The following SEC22A variants were observed in gnomAD, a reference collection of about 807,000 sequenced individuals.
SEC22A encodes the protein SEC22 homolog A, vesicle trafficking protein.
A neutral mutation model predicts 35.3 loss-of-function variants in SEC22A; 22 were observed. The observed-to-expected ratio is 0.62, with a 90% confidence interval of 0.45 to 0.89. The LOEUF (loss-of-function observed/expected upper bound fraction) is 0.89. Among genes scored for constraint, SEC22A ranks in the 40% least tolerant of loss-of-function variants. The pLI, the probability that SEC22A is intolerant of heterozygous loss-of-function variation, is 0.00. For missense variants in SEC22A, 354 were observed against 362.5 expected (o/e 0.98, Z 0.19); for synonymous variants, 119 against 129.5 (o/e 0.92, Z 0.55).
rs749574055 is a variant in SEC22A, at chr3:123,209,399, A to G, written c.182A>G (p.Asn61Ser). The G allele has an allele frequency of 2.5e-6, 4 of 1,604,680 alleles. No homozygotes were observed. In the African/African-American group the frequency reaches 5.4e-5, roughly 21 times the overall value. ...CTLKTGHYNINFISSLGVSYM... is the reference protein window; with the variant it reads ...CTLKTGHYNISFISSLGVSYM... ...CTGAAAACTGGACATTATAACATTA[A>G]GTAAGACTTCAGTTTGCTTCATTTG... The change falls in exon 2 of 7, where the codon AAT (asparagine) becomes AGT (serine). Residue 61 changes from asparagine (N) to serine (S), a missense_variant and splice_region_variant. Transcript: ENST00000492595.
chr3:123,240,828 C>T (rs2108070982), intron 4 of SEC22A, among the ~76,000 whole-genome samples: 1 of 152,132 alleles, frequency 6.6e-6, no homozygotes, highest in Middle Eastern at 3.4e-3. Context: ...AAAAACTTCA[C>T]AAAACCCTAA....
chr3:123,235,321 G>C (rs1403548653), intron 4 of SEC22A, among the ~76,000 whole-genome samples: 1 of 152,144 alleles, frequency 6.6e-6, no homozygotes, highest in Non-Finnish European at 1.5e-5. Context: ...GTAAATAACT[G>C]TTACAACTAA....
intron 6 of SEC22A, among the ~76,000 whole-genome samples, chr3:123,262,222 A>T (rs193007460): frequency 5.3e-4 from 81 of 152,326 alleles, no homozygotes; most frequent in Non-Finnish European, 1.1e-3. Flanking sequence ...GCAGGTGCTT[A>T]TGGAAGCCCA....
intron 4 of SEC22A, among the ~76,000 whole-genome samples, chr3:123,229,629 T>G (rs1388171572): frequency 6.6e-6 from 1 of 152,192 alleles, no homozygotes; most frequent in Non-Finnish European, 1.5e-5. Context: ...TTTGGGAGGC[T>G]GAGGCGGGCA....
In SEC22A at chr3:123,222,259, C is replaced by T. The variant is rs575028097; in HGVS notation, c.183-1300C>T. Among the ~76,000 whole-genome samples the T allele has an allele frequency of 1.2e-4, 18 of 151,980 alleles. No individual in the cohort carries two copies. The East Asian group carries it at 1.4e-3, about 11-fold the overall frequency. The stretch of plus-strand genomic sequence containing the variant: ...TGTCACCCAGGCTGGAGTGCAATGG[C>T]GCAATCTCGGCTCTTTGCAACCTCC... On this transcript the variant is annotated intron_variant, in intron 2 of 6. Transcript: ENST00000492595.
chr3:123,236,825 ACACG>A (rs1055298413), intron 4 of SEC22A, among the ~76,000 whole-genome samples: 3 of 152,066 alleles, frequency 2.0e-5, no homozygotes, highest in East Asian at 1.9e-4. Flanking sequence ...ACACACACAC[ACACG>A]CACACATATG....
intron 2 of SEC22A, among the ~76,000 whole-genome samples, chr3:123,217,683 T>C (rs1051090189): frequency 3.3e-5 from 5 of 152,238 alleles, no homozygotes; most frequent in South Asian, 2.1e-4. Context: ...TTACATGTTA[T>C]ATGTAATACA....
At chr3:123,254,082 T>G in intron 5 of SEC22A, among the ~76,000 whole-genome samples, 1 of 152,304 alleles carries the variant, frequency 6.6e-6, no homozygotes, top group East Asian at 1.9e-4. Context: ...CTTTTTTCAC[T>G]TAATATTAAA....
intron 2 of SEC22A, among the ~76,000 whole-genome samples, chr3:123,212,661 A>G (rs1936956220): frequency 6.6e-6 from 1 of 152,072 alleles, no homozygotes; most frequent in African/African-American, 2.4e-5. Flanking sequence ...ATTTTGTATC[A>G]TTTAGTTTTA....
intron 2 of SEC22A, among the ~76,000 whole-genome samples, chr3:123,216,652 G>A (rs1229785915): frequency 6.6e-6 from 1 of 152,118 alleles, no homozygotes; most frequent in Non-Finnish European, 1.5e-5. Flanking sequence ...GAAAGTTCCT[G>A]GTAAAATGCT....
chr3:123,234,812 C>T (rs66529495), intron 4 of SEC22A, among the ~76,000 whole-genome samples: 1,578 of 152,180 alleles, frequency 0.01, 9 homozygotes, highest in Non-Finnish European at 0.015. Flanking sequence ...CGCTTGGTCC[C>T]ATGAGTTCGA....
At chr3:123,260,222 C>G (rs768286297) in intron 6 of SEC22A, among the ~76,000 whole-genome samples, 15 of 142,314 alleles carry the variant, frequency 1.1e-4, no homozygotes, top group Non-Finnish European at 2.0e-4. Flanking sequence ...TACTTATACT[C>G]TAGGCTGAGG....
At chr3:123,259,443 G>T in intron 5 of SEC22A, 81 bp from the exon 6 acceptor site, 1 of 953,664 alleles carries the variant, frequency 1.0e-6, no homozygotes, top group South Asian at 1.4e-5. Context: ...TGTAAATATT[G>T]TTACATCCTA....
At chr3:123,210,771 A>C (rs1936928879) in intron 2 of SEC22A, among the ~76,000 whole-genome samples, 1 of 152,236 alleles carries the variant, frequency 6.6e-6, no homozygotes. Flanking sequence ...TATAGGATAT[A>C]ATAAGCAGAG....
chr3:123,261,124 C>T (rs545537916), intron 6 of SEC22A, among the ~76,000 whole-genome samples: 5 of 152,030 alleles, frequency 3.3e-5, no homozygotes, highest in South Asian at 4.1e-4. Flanking sequence ...CGTGAGCCAC[C>T]GCGCCTGACC....
At chr3:123,213,253 G>A (rs1367862923) in intron 2 of SEC22A, among the ~76,000 whole-genome samples, 2 of 152,108 alleles carry the variant, frequency 1.3e-5, no homozygotes, top group Non-Finnish European at 2.9e-5. Context: ...GTTTAATGAG[G>A]TTGTTACCTT....
intron 2 of SEC22A, among the ~76,000 whole-genome samples, chr3:123,213,270 C>A (rs1936970413): frequency 6.6e-6 from 1 of 152,162 alleles, no homozygotes; most frequent in Non-Finnish European, 1.5e-5. Flanking sequence ...CCTTATATGA[C>A]ATTGAGCTTA....
At chr3:123,219,335 C>G (rs1312658946) in intron 2 of SEC22A, among the ~76,000 whole-genome samples, 1 of 152,106 alleles carries the variant, frequency 6.6e-6, no homozygotes, top group African/African-American at 2.4e-5. Flanking sequence ...TTTCATTACT[C>G]TTAATTTCGG....
intron 3 of SEC22A, among the ~76,000 whole-genome samples, chr3:123,224,002 T>C (rs778127685): frequency 6.6e-6 from 1 of 152,228 alleles, no homozygotes; most frequent in Non-Finnish European, 1.5e-5. Flanking sequence ...GACTTTTGCG[T>C]TTCTGTAATA....
Sources: allele counts gnomAD v4.1 joint callset (sites outside exome capture counted in the v4.1 genomes callset), GRCh38; gene constraint gnomAD v4.1.1; transcripts MANE v1.5; gene names NCBI Gene and HGNC (gene_info 2026-07-23, HGNC 2026-07-21).